Variants in TESK2 observed in about 807,000 individuals in gnomAD.
The protein encoded by TESK2 is testis associated actin remodelling kinase 2, also known as dual specificity testis-specific protein kinase 2.
Under a neutral mutation model 57.1 loss-of-function variants are expected in TESK2, and 39 were observed. The ratio of observed to expected loss-of-function variants is 0.68; its 90% CI spans 0.53 to 0.89. The LOEUF (loss-of-function observed/expected upper bound fraction) is 0.89. Among genes scored for constraint, TESK2 ranks in the 40% least tolerant of loss-of-function variants. The pLI is 0.00. For synonymous variants in TESK2, 249 were observed against 267.9 expected (o/e 0.93, Z 0.69); for missense variants, 646 against 732.1 (o/e 0.88, Z 1.36).
At chr1:45,409,867 A>C (rs1187068108) in intron 3 of TESK2, among the ~76,000 whole-genome samples, 2 of 152,186 alleles carry the variant, frequency 1.3e-5, no homozygotes, top group African/African-American at 4.8e-5. Context: ...ATCATTGTTT[A>C]TATTAAAAAT....
chr1:45,345,691 CAGAG>C (rs905030109), intron 10 of TESK2, 133 bp from the exon 11 acceptor site: 8 of 981,302 alleles, frequency 8.2e-6, no homozygotes, highest in Non-Finnish European at 1.1e-5. Context: ...GAAACAGACT[CAGAG>C]AGGGGAAGCA....
At chr1:45,391,391 A>T (rs1649140047) in intron 3 of TESK2, among the ~76,000 whole-genome samples, 1 of 151,576 alleles carries the variant, frequency 6.6e-6, no homozygotes. Flanking sequence ...CAAATTTTTT[A>T]ATTTTTTAAA....
Position 45,386,843 on chromosome 1 carries a change from G to A in TESK2, c.345-883C>T, listed in dbSNP as rs112839813. On this transcript the variant is annotated intron_variant, in intron 3 of 10. Transcript: ENST00000372086. ...TAATTTTTGTATTTTTAGTAGAGAC[G>A]GGGTTTCATCATGTTGGCCAGGATG... Among the ~76,000 whole-genome samples the A allele has an allele frequency of 9.2e-3, 1,395 of 152,110 alleles. 23 individuals carry two copies. The highest frequency in any genetic ancestry group is 0.031 in the African/African-American group (1,287 of 41,452).
rs190167879 is a variant in TESK2 at position 45,483,096 on chromosome 1, G to C, written c.-87+7756C>G. Among the ~76,000 whole-genome samples the C allele has an allele frequency of 1.5e-3, 223 of 150,300 alleles. 1 individual carries two copies. In the South Asian group the frequency reaches 0.021, roughly 14 times the overall value. Reference sequence around the variant, plus strand: ...AGATCAAGACCATCCTGGCTAACACGGCGAAACCCCATCTCTACTAAAAAT... The same window carrying C: ...AGATCAAGACCATCCTGGCTAACACCGCGAAACCCCATCTCTACTAAAAAT... On this transcript the variant is annotated intron_variant, in intron 1 of 10. Coordinates refer to ENST00000372086, the MANE Select transcript of TESK2 (RefSeq NM_007170.3).
intron 1 of TESK2, among the ~76,000 whole-genome samples, chr1:45,463,357 A>G (rs1652412188): frequency 6.6e-6 from 1 of 152,216 alleles, no homozygotes. Flanking sequence ...TAGTACTTTC[A>G]CAGTTTGAGG....
In TESK2 at chr1:45,461,944, A is replaced by ATTTC. The variant is rs1301404187; in HGVS notation, c.-86-4074_-86-4073insGAAA. 7.9e-5 allele frequency among the ~76,000 whole-genome samples: 12 copies of ATTTC among 152,052 alleles called. No homozygotes were observed. The East Asian group carries it at 2.3e-3, about 29-fold the overall frequency. On this transcript the variant is annotated intron_variant, in intron 1 of 10. Coordinates refer to ENST00000372086, the MANE Select transcript of TESK2 (RefSeq NM_007170.3). The stretch of plus-strand genomic sequence containing the variant: ...TTTGTGTTACAAACATTCCAATCGT[A>ATTTC]CTCTCCCAGTTATTCTAAAATATAC...
At chr1:45,476,168 A>G (rs1006309038) in intron 1 of TESK2, among the ~76,000 whole-genome samples, 28 of 152,206 alleles carry the variant, frequency 1.8e-4, no homozygotes, top group African/African-American at 6.8e-4. Context: ...AGTAACAGAA[A>G]AATGGAGACA....
chr1:45,461,439 C>G (rs1219396947), intron 1 of TESK2, among the ~76,000 whole-genome samples: 1 of 152,164 alleles, frequency 6.6e-6, no homozygotes, highest in African/African-American at 2.4e-5. Context: ...GATGAAGTAA[C>G]TTGCTAAGGA....
intron 3 of TESK2, among the ~76,000 whole-genome samples, chr1:45,411,046 A>T (rs1275972909): frequency 6.6e-6 from 1 of 152,242 alleles, no homozygotes. Flanking sequence ...GGTTAGGATT[A>T]TGGGAGGGGA....
intron 4 of TESK2, among the ~76,000 whole-genome samples, chr1:45,375,807 G>A (rs749470534): frequency 1.3e-5 from 2 of 152,134 alleles, no homozygotes; most frequent in Non-Finnish European, 1.5e-5. Context: ...GTTCATTATT[G>A]TATTCCCAGT....
At chr1:45,386,669 T>C (rs1376718221) in intron 3 of TESK2, among the ~76,000 whole-genome samples, 1 of 152,060 alleles carries the variant, frequency 6.6e-6, no homozygotes, top group African/African-American at 2.4e-5. Context: ...GTTGCTTTTT[T>C]TTTGAGACAG....
In TESK2 at chr1:45,404,700, C is replaced by T. The variant is rs140940272; in HGVS notation, c.344+17025G>A. Among the ~76,000 whole-genome samples, 443 of 151,980 alleles carry T rather than the reference C, an allele frequency of 2.9e-3. 4 individuals are homozygous for T. The highest frequency in any genetic ancestry group is 0.018 in the East Asian group (94 of 5,170). ...CTGGGATTACAGGCATGCGCCACCA[C>T]GCCGGGCTATTTTTGTATTTTTATT... On this transcript the variant is annotated intron_variant, in intron 3 of 10. Coordinates refer to ENST00000372086, the MANE Select transcript of TESK2 (RefSeq NM_007170.3).
intron 4 of TESK2, among the ~76,000 whole-genome samples, chr1:45,359,804 C>T (rs1162416551): frequency 5.9e-5 from 9 of 152,008 alleles, no homozygotes; most frequent in African/African-American, 1.9e-4. Flanking sequence ...GCAGAGGTTG[C>T]GGTGGGCAGA....
Position 45,346,770 on chromosome 1 carries a change from G to A in TESK2, c.802C>T (p.Leu268=), listed in dbSNP as rs765446576. The A allele has an allele frequency of 6.2e-7, 1 of 1,614,060 alleles. No individual in the cohort carries two copies. The highest frequency in any genetic ancestry group is 2.2e-5 in the East Asian group (1 of 44,888). Reference sequence around the variant, plus strand: ...ATGTGCTGGAAAGCATCATAGTCCAGCCCGAAATTCTGTGGATGGGTATGG... The same window carrying A: ...ATGTGCTGGAAAGCATCATAGTCCAACCCGAAATTCTGTGGATGGGTATGG... ...DYLPRTENFG[L]DYDAFQHMVG... is the part of the protein sequence containing the mutation. Residue 268 remains leucine, a synonymous_variant, in exon 9 of 11, where the codon CTG becomes TTG. Coordinates refer to ENST00000372086, the MANE Select transcript of TESK2 (RefSeq NM_007170.3).
rs1647148830 is a variant in TESK2, at chr1:45,346,719, G to A, written c.853C>T (p.Leu285=). ...HMVGDCPPDF[L]QLTFNCCNMD... ...TTACAGCAGTTGAAAGTAAGTTGCA[G>A]AAAATCTGGGGGACAGTCTCCCACC... Residue 285 remains leucine (L), a synonymous_variant, in exon 9 of 11, where the codon CTG becomes TTG. Transcript: ENST00000372086. The A allele has an allele frequency of 3.7e-6, 6 of 1,613,948 alleles. No individual in the cohort carries two copies. Among genetic ancestry groups the A allele is most frequent in the South Asian group, 1.1e-5 (1 of 90,946 alleles).
At chr1:45,356,921 C>T (rs1270384117) in intron 4 of TESK2, among the ~76,000 whole-genome samples, 8 of 151,968 alleles carry the variant, frequency 5.3e-5, no homozygotes. Context: ...CGGCCGGGCG[C>T]AATGGCTCAT....
At chr1:45,415,317 C>T in intron 3 of TESK2, 1 of 1,142,052 alleles carries the variant, frequency 8.8e-7, no homozygotes. Context: ...GCAAGGAGAT[C>T]ACCATTGCTG....
At chr1:45,386,530 A>T (rs866978610) in intron 3 of TESK2, among the ~76,000 whole-genome samples, 41 of 152,128 alleles carry the variant, frequency 2.7e-4, no homozygotes, top group Middle Eastern at 6.8e-3. Flanking sequence ...TGTTGTTTTT[A>T]ATTATTTCAA....
At chr1:45,434,611 T>C (rs1026510570) in intron 2 of TESK2, among the ~76,000 whole-genome samples, 1 of 152,140 alleles carries the variant, frequency 6.6e-6, no homozygotes, top group East Asian at 1.9e-4. Flanking sequence ...CTGTTGACCA[T>C]TCCTATGTTT....
Sources: allele counts gnomAD v4.1 joint callset (sites outside exome capture counted in the v4.1 genomes callset), GRCh38; gene constraint gnomAD v4.1.1; transcripts MANE v1.5; gene names NCBI Gene and HGNC (gene_info 2026-07-23, HGNC 2026-07-21).